The following TUT4 variants were observed in gnomAD, a reference collection of about 807,000 sequenced individuals.
TUT4 encodes terminal uridylyltransferase 4.
Under a neutral mutation model 192.2 loss-of-function variants are expected in TUT4, and 36 were observed. The ratio of observed to expected loss-of-function variants is 0.19; its 90% CI spans 0.14 to 0.25. The LOEUF (loss-of-function observed/expected upper bound fraction) is 0.25, where lower values mean the gene tolerates loss of function less well. Among genes scored for constraint, TUT4 ranks in the 10% least tolerant of loss-of-function variants. The probability of loss-of-function intolerance (pLI) is 1.00; values close to 1 mark genes in which losing one functional copy is unlikely to be tolerated. For missense variants in TUT4, 1,493 were observed against 1,957.2 expected (o/e 0.76, Z 4.47); for synonymous variants, 618 against 666.0 (o/e 0.93, Z 1.11).
At chr1:52,546,678 G>C (rs562492148) in intron 1 of TUT4, among the ~76,000 whole-genome samples, 2 of 152,286 alleles carry the variant, frequency 1.3e-5, no homozygotes, top group East Asian at 3.9e-4. Flanking sequence ...TCATTAAGAT[G>C]ATATGTTGTG....
intron 28 of TUT4, among the ~76,000 whole-genome samples, chr1:52,426,550 G>T (rs191847204): frequency 6.6e-6 from 1 of 151,518 alleles, no homozygotes; most frequent in African/African-American, 2.4e-5. Context: ...GGATAGGAAA[G>T]AGTAGGCAGC....
intron 3 of TUT4, among the ~76,000 whole-genome samples, chr1:52,514,134 TAAGTA>T (rs1678033365): frequency 6.6e-6 from 1 of 152,224 alleles, no homozygotes; most frequent in East Asian, 1.9e-4. Context: ...GTGAAAGAAC[TAAGTA>T]AAGACATAAC....
intron 13 of TUT4, 75 bp from the exon 14 acceptor site, chr1:52,472,177 C>T: frequency 1.5e-6 from 2 of 1,361,754 alleles, no homozygotes; most frequent in Non-Finnish European, 2.0e-6. Flanking sequence ...GAATTCAAAA[C>T]AAATCTTTTA....
chr1:52,517,411 T>C (rs904068360), intron 2 of TUT4, among the ~76,000 whole-genome samples: 1 of 152,224 alleles, frequency 6.6e-6, no homozygotes, highest in Non-Finnish European at 1.5e-5. Flanking sequence ...AATCTCTCCA[T>C]TCTGTCCTCA....
chr1:52,490,791 T>C lies in TUT4; in HGVS notation c.1329A>G (p.Val443=), dbSNP rs1350919549. 2 of 1,610,930 alleles carry C rather than the reference T, an allele frequency of 1.2e-6. No individual in the cohort carries two copies. Among genetic ancestry groups the C allele is most frequent in the Non-Finnish European group, 1.7e-6 (2 of 1,178,678 alleles). Residue 443 remains valine (V), a synonymous_variant, in exon 8 of 30, where the codon GTA becomes GTG. Transcript: ENST00000257177. ...LGILKKNVLY[V]DVESDFHAKV... ...TAGCGTGAAAATCAGATTCCACATC[T>C]ACATATAATACTAATAAGGAAAAAA...
intron 1 of TUT4, among the ~76,000 whole-genome samples, chr1:52,533,492 C>G (rs548553357): frequency 2.6e-5 from 4 of 152,052 alleles, no homozygotes; most frequent in African/African-American, 7.2e-5. Context: ...CTTGGATATC[C>G]CTTCTTGGGA....
intron 11 of TUT4, among the ~76,000 whole-genome samples, chr1:52,480,822 G>A (rs1668315055): frequency 6.6e-6 from 1 of 152,162 alleles, no homozygotes; most frequent in South Asian, 2.1e-4. Context: ...CAGTAGTACA[G>A]GAAAGTGGAA....
intron 4 of TUT4, among the ~76,000 whole-genome samples, chr1:52,501,873 A>G (rs944697247): frequency 3.9e-5 from 6 of 152,186 alleles, no homozygotes; most frequent in African/African-American, 1.4e-4. Flanking sequence ...GTATGATTCC[A>G]TTTATATGGG....
chr1:52,478,859 T>C (rs946387822), intron 11 of TUT4, among the ~76,000 whole-genome samples: 2 of 152,206 alleles, frequency 1.3e-5, no homozygotes, highest in Admixed American at 6.5e-5. Flanking sequence ...CAAGGCAGTG[T>C]TCCAGGCACT....
At chr1:52,548,957 T>G (rs923107403) in intron 1 of TUT4, among the ~76,000 whole-genome samples, 37 of 152,282 alleles carry the variant, frequency 2.4e-4, no homozygotes, top group African/African-American at 7.7e-4. Context: ...ACTTCCTAAG[T>G]AGTATAACAA....
chr1:52,539,368 T>TCA lies in TUT4; in HGVS notation c.-93-12996_-93-12995insTG, dbSNP rs141877344. Among the ~76,000 whole-genome samples the TCA allele has an allele frequency of 8.7e-3, 1,321 of 152,176 alleles. 29 individuals are homozygous for TCA. The highest frequency in any genetic ancestry group is 0.03 in the African/African-American group (1,264 of 41,496). Reference sequence around the variant, plus strand: ...CAAAGTATCAGTGAATATAAAGGGGTGACCTACAGATTCCCAGATTGAAAT... The same window carrying TCA: ...CAAAGTATCAGTGAATATAAAGGGGTCAGACCTACAGATTCCCAGATTGAAAT... On this transcript the variant is annotated intron_variant, in intron 1 of 29. Coordinates refer to ENST00000257177, the MANE Select transcript of TUT4 (RefSeq NM_001009881.3).
intron 21 of TUT4, 21 bp from the exon 22 acceptor site, chr1:52,446,463 A>G (rs1413096423): frequency 1.6e-5 from 24 of 1,539,974 alleles, no homozygotes; most frequent in South Asian, 4.8e-5. Context: ...AAAAAAAAAG[A>G]AAAGAACAAT....
intron 2 of TUT4, among the ~76,000 whole-genome samples, chr1:52,516,528 A>T (rs1290612900): frequency 2.0e-5 from 3 of 152,194 alleles, no homozygotes; most frequent in African/African-American, 4.8e-5. Context: ...GAACTCCTGG[A>T]TATCTCCACT....
intron 20 of TUT4, among the ~76,000 whole-genome samples, chr1:52,454,726 C>T (rs1660380857): frequency 6.6e-6 from 1 of 152,112 alleles, no homozygotes; most frequent in African/African-American, 2.4e-5. Context: ...ATGGACTTTA[C>T]TAAAATTAAA....
Position 52,475,326 on chromosome 1 carries a change from C to G in TUT4, c.2233G>C (p.Gly745Arg), listed in dbSNP as rs770210551. 3.4e-5 allele frequency: 55 copies of G among 1,613,942 alleles called. No homozygotes were observed. The highest frequency in any genetic ancestry group is 1.1e-4 in the African/African-American group (8 of 74,888). ...GTGGTTTCCCCAAGCAGAATACAAC[C>G]ATTGGTTGCCATATTGTTCGACTTG... ...PVKSNNMATN[G>R]CILLGETTEK... Residue 745 changes from glycine to arginine, a missense_variant, in exon 13 of 30, where the codon GGT becomes CGT. Gly to Arg is a moderately radical substitution (Grantham distance 125). This residue lies in a region of TUT4 where 245 missense variants were observed against 218.4 expected (regional missense o/e 1.12). Transcript: ENST00000257177.
intron 7 of TUT4, among the ~76,000 whole-genome samples, chr1:52,491,851 T>C (rs547627974): frequency 6.6e-6 from 1 of 152,252 alleles, no homozygotes; most frequent in East Asian, 1.9e-4. Context: ...AGGGTCAATA[T>C]GACAATGAGT....
chr1:52,541,627 A>T (rs1475191653), intron 1 of TUT4, among the ~76,000 whole-genome samples: 1 of 152,252 alleles, frequency 6.6e-6, no homozygotes, highest in Non-Finnish European at 1.5e-5. Context: ...AAAAGTGTAA[A>T]ACTGTTAGAA....
chr1:52,493,768 T>A (rs772698679), intron 6 of TUT4, 106 bp from the exon 7 acceptor site: 50 of 742,874 alleles, frequency 6.7e-5, no homozygotes, highest in Non-Finnish European at 1.0e-4. Flanking sequence ...AATATAATCA[T>A]GCTTTGTGTT....
At chr1:52,448,698 C>A (rs1658377906) in intron 20 of TUT4, among the ~76,000 whole-genome samples, 1 of 150,700 alleles carries the variant, frequency 6.6e-6, no homozygotes, top group Non-Finnish European at 1.5e-5. Flanking sequence ...AAGGGGCTGA[C>A]ATGTAATATT....
Sources: allele counts gnomAD v4.1 joint callset (sites outside exome capture counted in the v4.1 genomes callset), GRCh38; gene constraint gnomAD v4.1.1; regional missense constraint gnomAD v4.1.1; transcripts MANE v1.5; gene names NCBI Gene and HGNC (gene_info 2026-07-23, HGNC 2026-07-21).